Variants in ERC1 observed in about 807,000 individuals in gnomAD.
The protein encoded by ERC1 is RAB6 interacting protein 2.
Under a neutral mutation model 132.0 loss-of-function variants are expected in ERC1, and 56 were observed. That is an observed-to-expected ratio of 0.42 (90% confidence interval 0.34 to 0.53). The LOEUF is 0.53. Among genes scored for constraint, ERC1 ranks in the 20% least tolerant of loss-of-function variants. The pLI is 0.03. For synonymous variants in ERC1, 478 were observed against 476.1 expected (o/e 1.00, Z -0.05); for missense variants, 1,202 against 1,349.9 (o/e 0.89, Z 1.72).
intron 15 of ERC1, among the ~76,000 whole-genome samples, chr12:1,291,314 AG>A (rs1292426308): frequency 2.6e-5 from 4 of 152,124 alleles, no homozygotes; most frequent in Non-Finnish European, 5.9e-5. Flanking sequence ...GAATTAAGAG[AG>A]GTTAGAGTTC....
chr12:1,452,261 C>G (rs1470616243), intron 18 of ERC1, among the ~76,000 whole-genome samples: 1 of 151,684 alleles, frequency 6.6e-6, no homozygotes, highest in Non-Finnish European at 1.5e-5. Flanking sequence ...TGTATAGTTT[C>G]TGTTGAGGTC....
chr12:1,077,487 C>G (rs1179130760), intron 2 of ERC1, among the ~76,000 whole-genome samples: 1 of 152,176 alleles, frequency 6.6e-6, no homozygotes, highest in Non-Finnish European at 1.5e-5. Flanking sequence ...TTGTTGTTCA[C>G]AATATCCTAC....
chr12:1,334,096 TG>T (rs1314298544), intron 15 of ERC1, among the ~76,000 whole-genome samples: 10 of 152,226 alleles, frequency 6.6e-5, no homozygotes, highest in African/African-American at 1.9e-4. Context: ...TTAATGGGGT[TG>T]TTTTTTTCTT....
At chr12:1,178,740 C>T (rs1388452130) in intron 8 of ERC1, among the ~76,000 whole-genome samples, 1 of 152,020 alleles carries the variant, frequency 6.6e-6, no homozygotes. Flanking sequence ...ATTATATTCT[C>T]CTGCTTCATT....
At chr12:1,298,878 A>G (rs61913071) in intron 15 of ERC1, among the ~76,000 whole-genome samples, 44,808 of 151,782 alleles carry the variant, frequency 0.3, 6,886 homozygotes, top group Middle Eastern at 0.37. Flanking sequence ...AGTAATCCTA[A>G]GAAACCTGGC....
chr12:1,177,872 G>C (rs1042909294), intron 8 of ERC1, among the ~76,000 whole-genome samples: 5 of 152,190 alleles, frequency 3.3e-5, no homozygotes, highest in Non-Finnish European at 7.3e-5. Flanking sequence ...AGGTATACCC[G>C]TATATGGAGT....
intron 14 of ERC1, among the ~76,000 whole-genome samples, chr12:1,277,745 T>C (rs996802542): frequency 6.6e-6 from 1 of 152,206 alleles, no homozygotes; most frequent in Non-Finnish European, 1.5e-5. Context: ...AAGTTCATCA[T>C]GTTTGGTCAA....
At position 1,447,627 on chromosome 12, in the gene ERC1, G is replaced by GTTTTTGTTTTTGTTTTTGT. The variant is rs374676553; in HGVS notation, c.3213+2881_3213+2882insTGTTTTTGTTTTTGTTTTT. On this transcript the variant is annotated intron_variant, in intron 18 of 18. Coordinates refer to ENST00000360905, the MANE Select transcript of ERC1 (RefSeq NM_178040.4). ...TTCCTTTGTAAAACAGTTTGTCTTT[G>GTTTTTGTTTTTGTTTTTGT]TTTTGTTTTTGTTTTTGTTTTTGTT... is the stretch of plus-strand genomic sequence containing the variant. Among the ~76,000 whole-genome samples, 49 of 148,786 alleles carry GTTTTTGTTTTTGTTTTTGT rather than the reference G, an allele frequency of 3.3e-4. 1 individual carries two copies. Among genetic ancestry groups the GTTTTTGTTTTTGTTTTTGT allele is most frequent in the Admixed American group, 1.5e-3 (22 of 15,132 alleles).
In ERC1 at chr12:1,494,717, G is replaced by A. The variant is rs1236366856; in HGVS notation, c.*4487G>A. On this transcript the variant is annotated 3_prime_UTR_variant, in exon 19 of 19. Transcript: ENST00000360905. ...CTCCTCTCTTCTTTCTCTGCTTGTC[G>A]ATATTGTCTGTGTGATTCAGAGAAT... 10 of 231,136 alleles carry A rather than the reference G, an allele frequency of 4.3e-5. No homozygotes were observed. Among genetic ancestry groups the A allele is most frequent in the Admixed American group, 2.3e-4 (4 of 17,710 alleles). The allele number at this position is 231,136 out of a possible 1,614,324, so 14.3% of individuals were successfully genotyped here.
At chr12:1,402,642 C>G (rs2091176296) in intron 16 of ERC1, among the ~76,000 whole-genome samples, 1 of 150,702 alleles carries the variant, frequency 6.6e-6, no homozygotes, top group South Asian at 2.1e-4. Flanking sequence ...CACACACACA[C>G]ACAAAAGAAC....
intron 13 of ERC1, among the ~76,000 whole-genome samples, chr12:1,237,823 C>T (rs2075525566): frequency 6.6e-6 from 1 of 152,168 alleles, no homozygotes; most frequent in Admixed American, 6.5e-5. Flanking sequence ...AAGACTAAGC[C>T]ACTGCCAGAT....
At chr12:1,437,366 C>G (rs1429790800) in intron 17 of ERC1, among the ~76,000 whole-genome samples, 4 of 152,214 alleles carry the variant, frequency 2.6e-5, no homozygotes, top group Non-Finnish European at 5.9e-5. Context: ...TGTTCACCCA[C>G]CTGGTGGTGA....
intron 15 of ERC1, among the ~76,000 whole-genome samples, chr12:1,304,578 G>A (rs958432934): frequency 6.6e-6 from 1 of 151,914 alleles, no homozygotes; most frequent in Non-Finnish European, 1.5e-5. Context: ...AAGAGTCTTC[G>A]GTTGTCTCTG....
At chr12:1,328,910 G>T (rs2082661460) in intron 15 of ERC1, among the ~76,000 whole-genome samples, 1 of 121,240 alleles carries the variant, frequency 8.2e-6, no homozygotes, top group Non-Finnish European at 1.7e-5. Context: ...GGGGAGGGAG[G>T]GTCCTTGTCT....
intron 14 of ERC1, among the ~76,000 whole-genome samples, chr12:1,273,791 A>ATATC (rs1304744694): frequency 6.6e-6 from 1 of 152,180 alleles, no homozygotes; most frequent in Non-Finnish European, 1.5e-5. Flanking sequence ...AGATACATGG[A>ATATC]TATCTATCTA....
intron 15 of ERC1, among the ~76,000 whole-genome samples, chr12:1,306,133 A>G (rs919014612): frequency 1.3e-5 from 2 of 152,214 alleles, no homozygotes; most frequent in East Asian, 1.9e-4. Flanking sequence ...CAGCCTGCTC[A>G]TGACATCCAG....
At chr12:1,465,531 T>C (rs1040200699) in intron 18 of ERC1, among the ~76,000 whole-genome samples, 11 of 152,182 alleles carry the variant, frequency 7.2e-5, no homozygotes, top group Non-Finnish European at 1.2e-4. Context: ...ACAACCAACG[T>C]AAATTTAAAC....
chr12:1,359,190 T>C (rs1335282557), intron 15 of ERC1, among the ~76,000 whole-genome samples: 1 of 152,134 alleles, frequency 6.6e-6, no homozygotes, highest in Non-Finnish European at 1.5e-5. Context: ...GGATCAGTAA[T>C]TGTAGCATGG....
intron 1 of ERC1, chr12:991,732 G>A (rs929603375): frequency 6.6e-6 from 1 of 152,454 alleles, no homozygotes; most frequent in African/African-American, 2.4e-5. Context: ...ACGAGGTAGT[G>A]GGGAGACGGA....
Sources: allele counts gnomAD v4.1 joint callset (sites outside exome capture counted in the v4.1 genomes callset), GRCh38; gene constraint gnomAD v4.1.1; transcripts MANE v1.5; gene names NCBI Gene and HGNC (gene_info 2026-07-23, HGNC 2026-07-21).